Variants in AKAP4 observed in about 807,000 individuals in gnomAD.
AKAP4 encodes A-kinase anchor protein 4.
Under a neutral mutation model 42.6 loss-of-function variants are expected in AKAP4, and 4 were observed. The observed-to-expected ratio is 0.09, with a 90% confidence interval of 0.05 to 0.22. The LOEUF is 0.22. Ranked by LOEUF, AKAP4 falls within the 10% of genes least tolerant of loss-of-function variation. AKAP4 has a pLI of 1.00. For synonymous variants in AKAP4, 223 were observed against 233.0 expected (o/e 0.96, Z 0.39); for missense variants, 551 against 630.7 (o/e 0.87, Z 1.35).
At chrX:50,195,854 GATATGTGT>G (rs1935183966) in intron 4 of AKAP4, among the ~76,000 whole-genome samples, 1 of 110,987 alleles carries the variant, frequency 9.0e-6, no homozygotes, top group Non-Finnish European at 1.9e-5. Flanking sequence ...CCCATGTCCA[GATATGTGT>G]ATATGTACTA....
chrX:50,192,548 G>C lies in AKAP4; in HGVS notation c.2165C>G (p.Ala722Gly), dbSNP rs1557203773. The C allele has an allele frequency of 8.3e-7, 1 of 1,211,562 alleles. No homozygotes were observed. The highest frequency in any genetic ancestry group is 1.1e-6 in the Non-Finnish European group (1 of 895,488). Residue 722 changes from alanine to glycine, a missense_variant, in exon 5 of 6, where the codon GCT becomes GGT. Coordinates refer to ENST00000358526, the MANE Select transcript of AKAP4 (RefSeq NM_003886.3). ...AKYSNDGAAL[A>G]ELEEQAASAN... Reference sequence around the variant, plus strand: ...CGAGGCTGCTTGTTCTTCCAACTCAGCAAGGGCTGCCCCATCGTTGCTATA... The same window carrying C: ...CGAGGCTGCTTGTTCTTCCAACTCACCAAGGGCTGCCCCATCGTTGCTATA...
intron 2 of AKAP4, among the ~76,000 whole-genome samples, chrX:50,198,236 A>T (rs1316047037): frequency 6.3e-5 from 7 of 111,725 alleles, no homozygotes; most frequent in African/African-American, 2.3e-4. Context: ...AGTATGCGTG[A>T]CATTTGAACA....
intron 2 of AKAP4, among the ~76,000 whole-genome samples, 172 bp from the exon 3 acceptor site, chrX:50,197,766 TA>T (rs1378143215): frequency 8.9e-6 from 1 of 112,030 alleles, no homozygotes; most frequent in African/African-American, 3.2e-5. Flanking sequence ...GAGTACCCAA[TA>T]AATGTTAATA....
chrX:50,197,569 A>T lies in AKAP4; in HGVS notation c.149T>A (p.Leu50Gln). The T allele has an allele frequency of 8.3e-7, 1 of 1,207,952 alleles. No homozygotes were observed. The change falls in exon 3 of 6, where the codon CTG becomes CAG. Residue 50 changes from leucine to glutamine, a missense_variant. Coordinates refer to ENST00000358526, the MANE Select transcript of AKAP4 (RefSeq NM_003886.3). ...CTTGTAATCTTTATCTTCTACATTC[A>T]GGGTGGACACATCGACAAAGCATAT... ...KVICFVDVST[L>Q]NVEDKDYKDA...
Position 50,193,926 on chromosome X carries a change from G to C in AKAP4, c.787C>G (p.Pro263Ala). 8.3e-7 allele frequency: 1 copy of C among 1,211,894 alleles called. No homozygotes were observed. Among genetic ancestry groups the C allele is most frequent in the South Asian group, 1.8e-5 (1 of 57,021 alleles). ...PSPGNKERIS[P>A]RTPASKIASE... is the part of the protein sequence containing the mutation. ...GCAATCTTGCTCGCAGGAGTTCGGG[G>C]ACTGATTCTCTCTTTGTTCCCAGGG... The change falls in exon 5 of 6, where the codon CCC (proline) becomes GCC (alanine). Residue 263 changes from proline to alanine, a missense_variant. By Grantham distance (27) the Pro-to-Ala change is conservative. Transcript: ENST00000358526.
Position 50,192,744 on chromosome X carries a change from C to G in AKAP4, c.1969G>C (p.Glu657Gln), listed in dbSNP as rs1259383833. Reference sequence around the variant, plus strand: ...GAAGCTGCTTTGCTTGCCCTGGGCTCAGAACACTTGTTCTCACCTTCGCAT... The same window carrying G: ...GAAGCTGCTTTGCTTGCCCTGGGCTGAGAACACTTGTTCTCACCTTCGCAT... ...DPCEGENKCS[E>Q]PRASKAASMS... The change falls in exon 5 of 6, where the codon GAG becomes CAG. Residue 657 changes from glutamate to glutamine, a missense_variant. Physicochemically the swap from Glu to Gln is conservative, Grantham distance 29. Coordinates refer to ENST00000358526, the MANE Select transcript of AKAP4 (RefSeq NM_003886.3). The G allele has an allele frequency of 1.7e-5, 20 of 1,210,311 alleles. No homozygotes were observed. Among genetic ancestry groups the G allele is most frequent in the Non-Finnish European group, 2.2e-5 (20 of 895,342 alleles).
At position 50,193,804 on chromosome X, in the gene AKAP4, A is replaced by G; in HGVS notation, c.909T>C (p.Tyr303=). Residue 303 remains tyrosine, a synonymous_variant, in exon 5 of 6, where the codon TAT becomes TAC. Transcript: ENST00000358526. ...TTTTGCTCTTGTTGGATAATTCGCT[A>G]TATAGAAAGCTTTTCTGGCCACCTT... ...SREGGQKSFL[Y]SELSNKSKSG... is the part of the protein sequence containing the mutation. The G allele has an allele frequency of 8.3e-7, 1 of 1,210,836 alleles. No homozygotes were observed. The highest frequency in any genetic ancestry group is 1.1e-6 in the Non-Finnish European group (1 of 895,150).
intron 1 of AKAP4, among the ~76,000 whole-genome samples, chrX:50,200,634 G>A (rs1411264595): frequency 3.6e-5 from 4 of 111,882 alleles, no homozygotes; most frequent in Non-Finnish European, 7.5e-5. Context: ...CATTTCCTGC[G>A]AGACCTCCAG....
rs782511645 is a variant in AKAP4, at chrX:50,196,027, G to A, written c.276+864C>T. 2.7e-5 allele frequency among the ~76,000 whole-genome samples: 3 copies of A among 111,684 alleles called. No homozygotes were observed. The East Asian group carries it at 8.4e-4, about 31-fold the overall frequency. On this transcript the variant is annotated intron_variant, in intron 4 of 5. Transcript: ENST00000358526. Reference sequence around the variant, plus strand: ...AGTTACAATCAAGCAGATCTGCATTGTATGTAGGAAACATGGGCTGCTTTT... The same window carrying A: ...AGTTACAATCAAGCAGATCTGCATTATATGTAGGAAACATGGGCTGCTTTT...
At chrX:50,196,797 CAGTA>C in intron 4 of AKAP4, 90 bp downstream of exon 4, 1 of 609,417 alleles carries the variant, frequency 1.6e-6, no homozygotes. Flanking sequence ...GCCTGTTTGA[CAGTA>C]AGTGTCTTAC....
Position 50,193,920 on chromosome X carries a change from T to C in AKAP4, c.793A>G (p.Thr265Ala). ...PGNKERISPR[T>A]PASKIASEMA... ...TCAGAAGCAATCTTGCTCGCAGGAGTTCGGGGACTGATTCTCTCTTTGTTC... is the reference window on the plus strand; with the variant it reads ...TCAGAAGCAATCTTGCTCGCAGGAGCTCGGGGACTGATTCTCTCTTTGTTC... Residue 265 changes from threonine (T) to alanine (A), a missense_variant, in exon 5 of 6, where the codon ACT becomes GCT. Thr to Ala is a moderately conservative substitution (Grantham distance 58). Coordinates refer to ENST00000358526, the MANE Select transcript of AKAP4 (RefSeq NM_003886.3). 8.3e-7 allele frequency: 1 copy of C among 1,211,546 alleles called. No individual in the cohort carries two copies. Among genetic ancestry groups the C allele is most frequent in the Admixed American group, 2.2e-5 (1 of 46,002 alleles).
intron 4 of AKAP4, among the ~76,000 whole-genome samples, chrX:50,195,126 TTAATA>T (rs1429076661): frequency 8.9e-6 from 1 of 112,394 alleles, no homozygotes; most frequent in African/African-American, 3.2e-5. Context: ...TACACATTCA[TTAATA>T]TAATAGATAC....
At chrX:50,198,889 G>T (rs1935225287) in intron 1 of AKAP4, 137 bp from the exon 2 acceptor site, 6 of 440,459 alleles carry the variant, frequency 1.4e-5, no homozygotes, top group East Asian at 1.2e-4. Flanking sequence ...AGGAACTGGT[G>T]GGGTGAGCAG....
At chrX:50,191,316 C>G (rs782811703) in intron 5 of AKAP4, among the ~76,000 whole-genome samples, 32 of 111,542 alleles carry the variant, frequency 2.9e-4, no homozygotes, top group Non-Finnish European at 5.3e-4. Flanking sequence ...TTCCTTTTCC[C>G]TTGAAACTTC....
rs1935134036 is a variant in AKAP4 at position 50,193,029 on chromosome X, C to T, written c.1684G>A (p.Gly562Ser). ...CAGTCTTCTTCACATGTATCTTTGC[C>T]CTTAGTCTGCTGGGTCAGATGGTAC... ...IQYHLTQQTK[G>S]KDTCEEDCPG... The change falls in exon 5 of 6, where the codon GGC (glycine) becomes AGC (serine). Residue 562 changes from glycine (G) to serine (S), a missense_variant. Physicochemically the swap from Gly to Ser is moderately conservative, Grantham distance 56. Transcript: ENST00000358526. 1 of 1,211,684 alleles carries T rather than the reference C, an allele frequency of 8.3e-7. No homozygotes were observed. Among genetic ancestry groups the T allele is most frequent in the East Asian group, 3.0e-5 (1 of 33,838 alleles).
At chrX:50,200,477 T>C in intron 1 of AKAP4, 5 of 606,624 alleles carry the variant, frequency 8.2e-6, no homozygotes, top group Non-Finnish European at 1.0e-5. Context: ...GGTGGGCATG[T>C]TGGCAAACTC....
rs1935135560 is a variant in AKAP4, at chrX:50,193,084, G to T, written c.1629C>A (p.Asp543Glu). 2 of 1,210,118 alleles carry T rather than the reference G, an allele frequency of 1.7e-6. No homozygotes were observed. Among genetic ancestry groups the T allele is most frequent in the Admixed American group, 2.2e-5 (1 of 45,738 alleles). ...TCAGCTTAAGGGCAGAGACAATCAG[G>T]TCCTTGGCCAGTGAATCTGTGGAAG... ...INASTDSLAK[D>E]LIVSALKLIQ... is the part of the protein sequence containing the mutation. Residue 543 changes from aspartate to glutamate, a missense_variant, in exon 5 of 6, where the codon GAC becomes GAA. Asp to Glu is a conservative substitution (Grantham distance 45). Transcript: ENST00000358526.
chrX:50,199,417 G>C (rs1935232770), intron 1 of AKAP4, among the ~76,000 whole-genome samples: 2 of 109,275 alleles, frequency 1.8e-5, no homozygotes, highest in Non-Finnish European at 3.8e-5. Context: ...ACAGAAATCT[G>C]AGGGAAGACC....
chrX:50,193,003 A>G lies in AKAP4; in HGVS notation c.1710T>C (p.Cys570=). The G allele has an allele frequency of 8.3e-7, 1 of 1,211,854 alleles. No homozygotes were observed. The highest frequency in any genetic ancestry group is 1.1e-6 in the Non-Finnish European group (1 of 895,520). The change falls in exon 5 of 6, where the codon TGT becomes TGC. Residue 570 remains cysteine, a synonymous_variant. Coordinates refer to ENST00000358526, the MANE Select transcript of AKAP4 (RefSeq NM_003886.3). ...CCATATAGCCCATGGTGGAACCAGG[A>G]CAGTCTTCTTCACATGTATCTTTGC... is the stretch of plus-strand genomic sequence containing the variant. ...TKGKDTCEED[C]PGSTMGYMAQ...
Sources: gnomAD v4.1 joint callset for allele counts (sites outside exome capture counted in the v4.1 genomes callset) on GRCh38, gnomAD v4.1.1 for gene constraint, MANE v1.5 for transcripts, NCBI Gene and HGNC (gene_info 2026-07-23, HGNC 2026-07-21) for gene names.